OTULIN: variants seen among roughly 807,000 people sequenced by gnomAD.
OTULIN encodes the protein OTU deubiquitinase with linear linkage specificity, also known as ubiquitin thioesterase otulin.
A neutral mutation model predicts 39.6 loss-of-function variants in OTULIN; 15 were observed. That is an observed-to-expected ratio of 0.38 (90% CI 0.25 to 0.58). The LOEUF (loss-of-function observed/expected upper bound fraction) is 0.58, where lower values mean the gene tolerates loss of function less well. Ranked by LOEUF, OTULIN falls within the 20% of genes least tolerant of loss-of-function variation. The pLI is 0.66. For missense variants in OTULIN, 319 were observed against 445.9 expected (o/e 0.72, Z 2.56); for synonymous variants, 156 against 170.3 (o/e 0.92, Z 0.65).
At chr5:14,668,222 A>G (rs1735898115) in intron 1 of OTULIN, among the ~76,000 whole-genome samples, 1 of 152,170 alleles carries the variant, frequency 6.6e-6, no homozygotes, top group African/African-American at 2.4e-5. Flanking sequence ...AGATGCTGCT[A>G]CAGTTCGGAG....
chr5:14,684,903 C>G (rs1230471771), intron 4 of OTULIN, among the ~76,000 whole-genome samples: 1 of 152,208 alleles, frequency 6.6e-6, no homozygotes, highest in Non-Finnish European at 1.5e-5. Context: ...TCCTTATTTG[C>G]CCCTCTGACA....
chr5:14,676,456 C>G (rs1736108046), intron 2 of OTULIN, among the ~76,000 whole-genome samples: 1 of 152,202 alleles, frequency 6.6e-6, no homozygotes, highest in African/African-American at 2.4e-5. Flanking sequence ...AATGGGAATT[C>G]AGGTATTTGA....
intron 5 of OTULIN, 81 bp downstream of exon 5, chr5:14,687,727 A>C: frequency 6.8e-7 from 1 of 1,470,224 alleles, no homozygotes; most frequent in Non-Finnish European, 9.0e-7. Flanking sequence ...TTTAGTCTTC[A>C]CTCAGTGGAT....
intron 5 of OTULIN, among the ~76,000 whole-genome samples, chr5:14,689,062 G>A (rs996977685): frequency 2.6e-5 from 4 of 152,094 alleles, no homozygotes; most frequent in East Asian, 1.9e-4. Context: ...AGGTGGTGTC[G>A]CTGTGGTCAT....
chr5:14,679,983 C>T (rs1299384971), intron 3 of OTULIN, among the ~76,000 whole-genome samples: 2 of 152,202 alleles, frequency 1.3e-5, no homozygotes, highest in African/African-American at 2.4e-5. Flanking sequence ...ATCTCAGATG[C>T]CTGAAAACAG....
At chr5:14,665,586 G>A (rs530413832) in intron 1 of OTULIN, among the ~76,000 whole-genome samples, 11 of 152,310 alleles carry the variant, frequency 7.2e-5, no homozygotes, top group African/African-American at 2.6e-4. Context: ...GCAAGGGTCT[G>A]GGGGTACGCG....
the OTULIN span, among the ~76,000 whole-genome samples, chr5:14,715,511 C>T: frequency 5.9e-5 from 9 of 152,184 alleles, no homozygotes; most frequent in East Asian, 9.7e-4. Flanking sequence ...TTGGGGAAAC[C>T]GATTTTTGAC....
At chr5:14,666,582 T>C (rs574512339) in intron 1 of OTULIN, among the ~76,000 whole-genome samples, 20 of 152,210 alleles carry the variant, frequency 1.3e-4, no homozygotes, top group African/African-American at 2.9e-4. Context: ...TTCACTTTTT[T>C]TCCCCCCTTG....
At chr5:14,712,638 C>T in the OTULIN span, among the ~76,000 whole-genome samples, 1 of 152,240 alleles carries the variant, frequency 6.6e-6, no homozygotes, top group East Asian at 1.9e-4. Flanking sequence ...ACCTCTCTCC[C>T]CTTTGGCGCA....
At chr5:14,673,069 A>G (rs904841006) in intron 1 of OTULIN, among the ~76,000 whole-genome samples, 3 of 152,148 alleles carry the variant, frequency 2.0e-5, no homozygotes, top group African/African-American at 7.2e-5. Flanking sequence ...GTGGGAATCT[A>G]TGTAACAGCT....
chr5:14,674,378 G>T (rs1281716752), intron 2 of OTULIN, among the ~76,000 whole-genome samples: 1 of 152,216 alleles, frequency 6.6e-6, no homozygotes, highest in Non-Finnish European at 1.5e-5. Flanking sequence ...GGGATATCCC[G>T]TGAATAATCA....
At chr5:14,711,403 G>T in the OTULIN span, 4 of 1,094,258 alleles carry the variant, frequency 3.7e-6, no homozygotes, top group East Asian at 9.4e-5. Flanking sequence ...GGTCTTGGGG[G>T]ACCCCTCACT....
intron 1 of OTULIN, among the ~76,000 whole-genome samples, chr5:14,673,031 C>G (rs910575573): frequency 1.6e-4 from 24 of 152,058 alleles, no homozygotes; most frequent in African/African-American, 5.8e-4. Flanking sequence ...CTAGGAAGCT[C>G]TGAGTAAGAA....
At chr5:14,703,982 A>C (rs1252493333), downstream of OTULIN, among the ~76,000 whole-genome samples, 1 of 152,166 alleles carries the variant, frequency 6.6e-6, no homozygotes, top group East Asian at 1.9e-4. Context: ...TCTTATGAGG[A>C]GCTAAAAAAA....
chr5:14,702,751 C>T (rs999285182), downstream of OTULIN, among the ~76,000 whole-genome samples: 1 of 151,984 alleles, frequency 6.6e-6, no homozygotes, highest in African/African-American at 2.4e-5. Flanking sequence ...ATGAAAGACC[C>T]GATGAGAATT....
At chr5:14,674,526 C>T (rs994646835) in intron 2 of OTULIN, among the ~76,000 whole-genome samples, 2 of 152,182 alleles carry the variant, frequency 1.3e-5, no homozygotes, top group East Asian at 1.9e-4. Flanking sequence ...GAGGCCGAGG[C>T]GGGCGGATTG....
chr5:14,689,016 A>G (rs763123873), intron 5 of OTULIN, among the ~76,000 whole-genome samples: 8 of 152,152 alleles, frequency 5.3e-5, no homozygotes, highest in Non-Finnish European at 1.0e-4. Context: ...GCTCCACACT[A>G]AAATTTCATG....
downstream of OTULIN, among the ~76,000 whole-genome samples, chr5:14,700,944 C>T (rs531087077): frequency 7.2e-5 from 11 of 152,262 alleles, no homozygotes; most frequent in Non-Finnish European, 1.3e-4. Context: ...AATATCGCAT[C>T]TGTGTGAGAG....
the OTULIN span, chr5:14,710,760 A>AAGC: frequency 5.1e-6 from 1 of 196,742 alleles, no homozygotes; most frequent in African/African-American, 2.3e-5. Flanking sequence ...AAATCAAAGG[A>AAGC]AGCCGAGTTT....
Sources: allele counts gnomAD v4.1 joint callset (sites outside exome capture counted in the v4.1 genomes callset), GRCh38; gene constraint gnomAD v4.1.1; transcripts MANE v1.5; gene names NCBI Gene and HGNC (gene_info 2026-07-23, HGNC 2026-07-21).